Variants in PACSIN2 observed in about 807,000 individuals in gnomAD.
The protein encoded by PACSIN2 is protein kinase C and casein kinase substrate in neurons 2, also known as protein kinase C and casein kinase substrate in neurons protein 2.
PACSIN2 carries 25 observed loss-of-function variants against 63.8 expected under a neutral mutation model. The ratio of observed to expected loss-of-function variants is 0.39; its 90% CI spans 0.29 to 0.55. PACSIN2 has a LOEUF of 0.55. Among genes scored for constraint, PACSIN2 ranks in the 20% least tolerant of loss-of-function variants. The probability of loss-of-function intolerance (pLI) is 0.62; values close to 1 mark genes in which losing one functional copy is unlikely to be tolerated. For missense variants in PACSIN2, 518 were observed against 646.9 expected (o/e 0.80, Z 2.16); for synonymous variants, 255 against 256.2 (o/e 1.00, Z 0.05).
intron 1 of PACSIN2, among the ~76,000 whole-genome samples, chr22:42,989,854 AGG>A (rs1289346186): frequency 1.7e-5 from 2 of 118,604 alleles, no homozygotes; most frequent in African/African-American, 8.8e-5. Context: ...ATTCTCTTGG[AGG>A]GGGAAAAAAA....
At chr22:42,972,108 T>C (rs911913112) in intron 1 of PACSIN2, among the ~76,000 whole-genome samples, 2 of 152,224 alleles carry the variant, frequency 1.3e-5, no homozygotes, top group Non-Finnish European at 2.9e-5. Context: ...GGATTGTTAC[T>C]GTGTCTGTGT....
At chr22:42,992,996 T>C (rs1238501672) in intron 1 of PACSIN2, among the ~76,000 whole-genome samples, 1 of 152,066 alleles carries the variant, frequency 6.6e-6, no homozygotes, top group Non-Finnish European at 1.5e-5. Flanking sequence ...AAGCCCCGTC[T>C]CTACTAAAAA....
intron 1 of PACSIN2, among the ~76,000 whole-genome samples, chr22:42,926,082 T>C (rs896824681): frequency 1.3e-5 from 2 of 152,342 alleles, no homozygotes. Flanking sequence ...CTCAACTACC[T>C]GGCACAACTC....
chr22:42,989,870 AT>A (rs1569357381), intron 1 of PACSIN2, among the ~76,000 whole-genome samples: 1,734 of 55,908 alleles, frequency 0.031, 27 homozygotes, highest in East Asian at 0.16. Context: ...AAAAAAAAAT[AT>A]ATATATATAT....
chr22:42,952,503 C>G (rs182577540), intron 1 of PACSIN2, among the ~76,000 whole-genome samples: 1 of 150,096 alleles, frequency 6.7e-6, no homozygotes, highest in Non-Finnish European at 1.5e-5. Context: ...GGACTTTAGG[C>G]GCGCACCACC....
Position 42,948,725 on chromosome 22 carries a change from T to C in PACSIN2, c.-77-36568A>G, listed in dbSNP as rs533007821. 1.2e-3 allele frequency among the ~76,000 whole-genome samples: 184 copies of C among 152,324 alleles called. 2 individuals carry two copies. Among genetic ancestry groups the C allele is most frequent in the Non-Finnish European group, 4.1e-4 (28 of 68,034 alleles). ...TTCTGGGCATCTATGCACTCAACTA[T>C]GGTGCCGCTTTCTCAAGAAAATATT... On this transcript the variant is annotated intron_variant, in intron 1 of 10. Coordinates refer to ENST00000263246, the MANE Select transcript of PACSIN2 (RefSeq NM_001184970.3).
chr22:43,010,398 A>ATATATTTT, intron 1 of PACSIN2, among the ~76,000 whole-genome samples: 6,239 of 126,356 alleles, frequency 0.049, 224 homozygotes, highest in East Asian at 0.11. Flanking sequence ...ATATATATAT[A>ATATATTTT]TTTTTTTTTA....
At chr22:42,960,594 A>C (rs539721945) in intron 1 of PACSIN2, among the ~76,000 whole-genome samples, 24 of 152,348 alleles carry the variant, frequency 1.6e-4, no homozygotes, top group African/African-American at 5.5e-4. Context: ...TGAGGAGAGA[A>C]AGATTTTAAA....
intron 1 of PACSIN2, among the ~76,000 whole-genome samples, chr22:42,985,616 CAT>C (rs148704502): frequency 0.025 from 3,860 of 152,264 alleles, 62 homozygotes; most frequent in Non-Finnish European, 0.031. Context: ...ATTTGCAAAA[CAT>C]AAAGATAACA....
At chr22:42,917,363 T>C (rs922904649) in intron 1 of PACSIN2, among the ~76,000 whole-genome samples, 1 of 151,954 alleles carries the variant, frequency 6.6e-6, no homozygotes, top group Non-Finnish European at 1.5e-5. Flanking sequence ...TCCCAGCACT[T>C]TGAGAGGACA....
chr22:42,878,727 T>C (rs1928836488), intron 8 of PACSIN2, among the ~76,000 whole-genome samples: 1 of 152,168 alleles, frequency 6.6e-6, no homozygotes, highest in Non-Finnish European at 1.5e-5. Context: ...GTGCTATCCC[T>C]GGGGACATGA....
chr22:42,989,456 C>G (rs142003196), intron 1 of PACSIN2, among the ~76,000 whole-genome samples: 1 of 147,308 alleles, frequency 6.8e-6, no homozygotes. Flanking sequence ...CGAGATCACA[C>G]GATTGCACTC....
chr22:42,970,513 AAGTC>A (rs1160342398), intron 1 of PACSIN2, among the ~76,000 whole-genome samples: 1 of 152,242 alleles, frequency 6.6e-6, no homozygotes, highest in East Asian at 1.9e-4. Flanking sequence ...ACATTAGAGA[AAGTC>A]AGGCAAAAGG....
intron 1 of PACSIN2, among the ~76,000 whole-genome samples, chr22:42,927,928 C>T (rs963276680): frequency 1.3e-5 from 2 of 152,116 alleles, no homozygotes; most frequent in African/African-American, 4.8e-5. Flanking sequence ...GTCATGGTCC[C>T]ATACTCCACT....
intron 1 of PACSIN2, among the ~76,000 whole-genome samples, chr22:42,919,424 T>C (rs1932019915): frequency 6.6e-6 from 1 of 152,184 alleles, no homozygotes; most frequent in Non-Finnish European, 1.5e-5. Flanking sequence ...TGGCACTTCT[T>C]TTGCACATTT....
chr22:42,911,181 G>C (rs1476757309), intron 2 of PACSIN2, among the ~76,000 whole-genome samples: 8 of 152,074 alleles, frequency 5.3e-5, no homozygotes, highest in Admixed American at 5.2e-4. Flanking sequence ...TGGGGTTACA[G>C]ACATGAGCCA....
intron 1 of PACSIN2, among the ~76,000 whole-genome samples, chr22:42,917,088 G>A (rs1336441353): frequency 6.6e-6 from 1 of 152,142 alleles, no homozygotes; most frequent in Non-Finnish European, 1.5e-5. Context: ...TGCGCCCCAT[G>A]CACTACACGC....
At chr22:42,966,985 T>C (rs1009020511) in intron 1 of PACSIN2, among the ~76,000 whole-genome samples, 32 of 152,220 alleles carry the variant, frequency 2.1e-4, no homozygotes, top group African/African-American at 7.0e-4. Flanking sequence ...TTCAGCACTG[T>C]CCAGGCTCTG....
At chr22:42,927,290 G>GA (rs1932598502) in intron 1 of PACSIN2, among the ~76,000 whole-genome samples, 1 of 151,408 alleles carries the variant, frequency 6.6e-6, no homozygotes, top group Admixed American at 6.6e-5. Context: ...CTGTTGCCCA[G>GA]ACTGGAGCAC....
Sources: allele counts gnomAD v4.1 joint callset (sites outside exome capture counted in the v4.1 genomes callset), GRCh38; gene constraint gnomAD v4.1.1; transcripts MANE v1.5; gene names NCBI Gene and HGNC (gene_info 2026-07-23, HGNC 2026-07-21).